LGR5: variants seen among roughly 807,000 people sequenced by gnomAD.
LGR5 encodes leucine-rich repeat-containing G protein-coupled receptor 5.
In LGR5, 54 loss-of-function variants were observed where a neutral mutation model predicts 76.7. The observed-to-expected ratio is 0.70, with a 90% CI of 0.57 to 0.88. The LOEUF is 0.88. Among genes scored for constraint, LGR5 ranks in the 40% least tolerant of loss-of-function variants. The pLI is 0.00. For missense variants in LGR5, 1,078 were observed against 1,073.3 expected (o/e 1.00, Z -0.06); for synonymous variants, 406 against 421.9 (o/e 0.96, Z 0.46).
At chr12:71,583,543 G>T (rs1053559779) in intron 17 of LGR5, 104 bp from the exon 18 acceptor site, 17 of 1,335,254 alleles carry the variant, frequency 1.3e-5, no homozygotes, top group East Asian at 2.3e-5. Context: ...GGCTGTTTTT[G>T]ACCATTATCT....
intron 1 of LGR5, among the ~76,000 whole-genome samples, chr12:71,447,582 T>C (rs879378187): frequency 1.3e-5 from 2 of 152,164 alleles, no homozygotes; most frequent in Non-Finnish European, 2.9e-5. Flanking sequence ...TTCCACACAC[T>C]CATTTTATCC....
chr12:71,439,530 G>A (rs1352673415), upstream of LGR5, among the ~76,000 whole-genome samples: 1 of 151,860 alleles, frequency 6.6e-6, no homozygotes, highest in Non-Finnish European at 1.5e-5. Flanking sequence ...AGGGGTAAGG[G>A]TGGGGGGGTC....
intron 1 of LGR5, among the ~76,000 whole-genome samples, chr12:71,486,872 C>T (rs1873851983): frequency 1.3e-5 from 2 of 151,332 alleles, no homozygotes; most frequent in African/African-American, 2.4e-5. Context: ...AATTTGAAAA[C>T]GCCTTTGTAT....
chr12:71,497,483 C>A (rs1874386841), intron 1 of LGR5, among the ~76,000 whole-genome samples: 1 of 152,066 alleles, frequency 6.6e-6, no homozygotes, highest in Admixed American at 6.6e-5. Context: ...AAAAAAAATT[C>A]TTAAGGATAC....
chr12:71,453,957 G>T (rs1872358742), intron 1 of LGR5, among the ~76,000 whole-genome samples: 1 of 152,026 alleles, frequency 6.6e-6, no homozygotes, highest in Admixed American at 6.6e-5. Flanking sequence ...CTCTGTGTAG[G>T]AGAGGGGATT....
intron 16 of LGR5, among the ~76,000 whole-genome samples, chr12:71,581,711 A>C (rs543608202): frequency 1.3e-5 from 2 of 152,340 alleles, no homozygotes; most frequent in African/African-American, 2.4e-5. Flanking sequence ...CACAAGCAAA[A>C]AGTTATTAGA....
intron 2 of LGR5, among the ~76,000 whole-genome samples, chr12:71,509,690 G>T (rs1232117824): frequency 6.6e-6 from 1 of 152,164 alleles, no homozygotes; most frequent in African/African-American, 2.4e-5. Context: ...GACTAAATAA[G>T]GAGGGGGGAA....
intron 10 of LGR5, 70 bp from the exon 11 acceptor site, chr12:71,566,771 T>C: frequency 1.3e-6 from 2 of 1,571,468 alleles, no homozygotes; most frequent in Non-Finnish European, 1.8e-6. Flanking sequence ...AGTCTTAACA[T>C]CAGTGAGTCA....
intron 4 of LGR5, among the ~76,000 whole-genome samples, chr12:71,545,580 T>C (rs1387974034): frequency 6.6e-6 from 1 of 152,006 alleles, no homozygotes; most frequent in Non-Finnish European, 1.5e-5. Flanking sequence ...GCAAGATTCT[T>C]CACACTTTTG....
intron 1 of LGR5, among the ~76,000 whole-genome samples, chr12:71,477,289 C>G (rs1873378613): frequency 6.6e-6 from 1 of 151,764 alleles, no homozygotes. Flanking sequence ...AGACAGTGAC[C>G]CCTGAGACTC....
chr12:71,526,908 A>G (rs1876036297), intron 3 of LGR5, among the ~76,000 whole-genome samples: 1 of 152,138 alleles, frequency 6.6e-6, no homozygotes, highest in Non-Finnish European at 1.5e-5. Flanking sequence ...CAGAGTCAGA[A>G]AGGACCTGGG....
At chr12:71,509,520 A>G (rs1363112553) in intron 2 of LGR5, among the ~76,000 whole-genome samples, 3 of 152,072 alleles carry the variant, frequency 2.0e-5, no homozygotes, top group African/African-American at 7.2e-5. Context: ...TCCTCCTTCT[A>G]TTTACTCAGT....
At chr12:71,462,436 T>G (rs943891974) in intron 1 of LGR5, among the ~76,000 whole-genome samples, 2 of 152,134 alleles carry the variant, frequency 1.3e-5, no homozygotes, top group Non-Finnish European at 2.9e-5. Flanking sequence ...TATTTTTCCA[T>G]ATTCTCTTTT....
intron 16 of LGR5, among the ~76,000 whole-genome samples, chr12:71,581,977 GT>G (rs1003520309): frequency 2.0e-5 from 3 of 152,202 alleles, no homozygotes; most frequent in African/African-American, 7.2e-5. Flanking sequence ...GCACCAAGTA[GT>G]TATTTGTTTT....
At chr12:71,567,602 T>C (rs890298404) in intron 11 of LGR5, among the ~76,000 whole-genome samples, 2 of 152,164 alleles carry the variant, frequency 1.3e-5, no homozygotes, top group African/African-American at 4.8e-5. Context: ...TGCACTCACA[T>C]AGAAGGCACC....
intron 2 of LGR5, among the ~76,000 whole-genome samples, chr12:71,514,819 A>G (rs1031203138): frequency 2.0e-5 from 3 of 152,186 alleles, no homozygotes; most frequent in Non-Finnish European, 2.9e-5. Context: ...TGCTTAACAC[A>G]ATGACGGCAT....
chr12:71,584,957 G>A lies in LGR5; in HGVS notation c.*223G>A, dbSNP rs1023249414. On this transcript the variant is annotated 3_prime_UTR_variant, in exon 18 of 18. Transcript: ENST00000266674. ...AATTTGTTCAGCTAAGGGATAGATC[G>A]ATCACACTATTTAAGTGAGCCCAGA... The A allele has an allele frequency of 1.4e-5, 7 of 510,704 alleles. No homozygotes were observed. Among genetic ancestry groups the A allele is most frequent in the Admixed American group, 3.4e-5 (1 of 29,062 alleles). The allele number at this position is 510,704 out of a possible 1,614,324, so 31.6% of individuals were successfully genotyped here. A position where few individuals can be genotyped will look rare whatever the true frequency, so the allele number is the denominator to read the frequency against.
chr12:71,565,422 C>CTATA (rs1209363296), intron 8 of LGR5, among the ~76,000 whole-genome samples: 665 of 13,906 alleles, frequency 0.048, 15 homozygotes, highest in African/African-American at 0.059. Context: ...ATCAATTGAG[C>CTATA]TATATATATA....
In LGR5 at chr12:71,468,738, C is replaced by T. The variant is rs532017371; in HGVS notation, c.212+28446C>T. ...TTTTTTTTTTTTTTTTTTTTTGGTG[C>T]GTGGACATGTTGAGTTTTCTCTTTC... On this transcript the variant is annotated intron_variant, in intron 1 of 17. Transcript: ENST00000266674. 1.0e-4 allele frequency among the ~76,000 whole-genome samples: 9 copies of T among 86,720 alleles called. No individual in the cohort carries two copies. In the South Asian group the frequency reaches 3.3e-3, roughly 32 times the overall value. 56.9% of individuals were successfully genotyped at this position (86,720 alleles called of 152,430 possible). A position where few individuals can be genotyped will look rare whatever the true frequency, so the allele number is the denominator to read the frequency against.
Sources: gnomAD v4.1 joint callset for allele counts (sites outside exome capture counted in the v4.1 genomes callset) on GRCh38, gnomAD v4.1.1 for gene constraint, MANE v1.5 for transcripts, NCBI Gene and HGNC (gene_info 2026-07-23, HGNC 2026-07-21) for gene names.